Variants in CCAR2 observed in about 807,000 individuals in gnomAD.
The protein encoded by CCAR2 is cell cycle and apoptosis regulator protein 2.
In CCAR2, 21 loss-of-function variants were observed where a neutral mutation model predicts 108.1. The ratio of observed to expected loss-of-function variants is 0.19; its 90% CI spans 0.14 to 0.28. The LOEUF (loss-of-function observed/expected upper bound fraction) is 0.28, where lower values mean the gene tolerates loss of function less well. Ranked by LOEUF, CCAR2 falls within the 10% of genes least tolerant of loss-of-function variation. The pLI, the probability that CCAR2 is intolerant of heterozygous loss-of-function variation, is 1.00. For missense variants in CCAR2, 1,126 were observed against 1,177.0 expected, an observed-to-expected ratio of 0.96 and a Z score of 0.63; for synonymous variants, 577 against 472.8, an observed-to-expected ratio of 1.22 and a Z score of -2.86.
chr8:22,606,399 C>T (rs2291231), intron 3 of CCAR2, among the ~76,000 whole-genome samples: 49,939 of 152,054 alleles, frequency 0.33, 8,493 homozygotes, highest in South Asian at 0.37. Flanking sequence ...CTGGAAATCC[C>T]AGAAGAAGCT....
At chr8:22,612,829 G>A (rs987277641) in intron 7 of CCAR2, 188 bp from the exon 8 acceptor site, 1 of 630,328 alleles carries the variant, frequency 1.6e-6, no homozygotes, top group African/African-American at 1.9e-5. Flanking sequence ...TAACAGGAAT[G>A]TTTATTAAAA....
intron 1 of CCAR2, 79 bp from the exon 2 acceptor site, chr8:22,605,657 A>T: frequency 1.2e-6 from 1 of 812,064 alleles, no homozygotes; most frequent in Admixed American, 2.1e-5. Flanking sequence ...AAATATCCTT[A>T]CTTAAGATTC....
intron 14 of CCAR2, among the ~76,000 whole-genome samples, chr8:22,617,115 GC>G (rs1801552868): frequency 6.6e-6 from 1 of 151,704 alleles, no homozygotes; most frequent in African/African-American, 2.4e-5. Flanking sequence ...CCTCAGGAGT[GC>G]TGGGATTACA....
Position 22,606,067 on chromosome 8 carries a change from G to C in CCAR2, c.59-18G>C, listed in dbSNP as rs758394879. ...GTGGTAGGGGCGGTTCCTGGAGATT[G>C]CTTCTCTTTCCCCATAGGCACAGCT... On this transcript the variant is annotated intron_variant, in intron 2 of 20. Coordinates refer to ENST00000308511, the MANE Select transcript of CCAR2 (RefSeq NM_001393997.1). 1 of 1,606,800 alleles carries C rather than the reference G, an allele frequency of 6.2e-7. No individual in the cohort carries two copies.
chr8:22,614,609 C>A, intron 10 of CCAR2, 106 bp downstream of exon 10: 1 of 1,112,920 alleles, frequency 9.0e-7, no homozygotes, highest in Non-Finnish European at 1.3e-6. Context: ...CGAGGCATCT[C>A]AGAGCCGAAC....
At chr8:22,604,902 CCGAGGGGCTG>C in intron 1 of CCAR2, 60 bp downstream of exon 1, 1 of 402,366 alleles carries the variant, frequency 2.5e-6, no homozygotes, top group South Asian at 1.7e-5. Context: ...CCTCCGCTGG[CCGAGGGGCTG>C]CGAGGGCCGG....
chr8:22,605,704 A>G, intron 1 of CCAR2, 32 bp from the exon 2 acceptor site: 2 of 1,325,290 alleles, frequency 1.5e-6, no homozygotes, highest in Admixed American at 1.8e-5. Flanking sequence ...TTTCCCTTAT[A>G]AGCTGTTAAT....
In CCAR2 at chr8:22,616,188, C is replaced by G. The variant is rs941340541; in HGVS notation, c.1785C>G (p.Val595=). ...KEEEAIKEEV[V]KEPKDEAQNE... Reference sequence around the variant, plus strand: ...AAGAAGCCATCAAAGAGGAGGTGGTCAAGGAGCCCAAGGATGAGGCACAGA... The same window carrying G: ...AAGAAGCCATCAAAGAGGAGGTGGTGAAGGAGCCCAAGGATGAGGCACAGA... Residue 595 remains valine, a synonymous_variant, in exon 14 of 21, where the codon GTC becomes GTG. Transcript: ENST00000308511. 1.2e-6 allele frequency: 2 copies of G among 1,613,690 alleles called. No individual in the cohort carries two copies. The highest frequency in any genetic ancestry group is 2.7e-5 in the African/African-American group (2 of 74,890).
chr8:22,613,014 T>C lies in CCAR2; in HGVS notation c.585-3T>C. On this transcript the variant is annotated splice_polypyrimidine_tract_variant and splice_region_variant and intron_variant, in intron 7 of 20. Transcript: ENST00000308511. ...TTACTGTTGGTGATGGGTCAACCTC[T>C]AGTGATGACTATGACTCCAAGAAAC... The C allele has an allele frequency of 6.2e-7, 1 of 1,612,490 alleles. No homozygotes were observed. Among genetic ancestry groups the C allele is most frequent in the African/African-American group, 1.3e-5 (1 of 74,986 alleles).
rs1801635629 is a variant in CCAR2 at position 22,618,926 on chromosome 8, A to G, written c.2432A>G (p.Asn811Ser). The G allele has an allele frequency of 6.2e-7, 1 of 1,613,672 alleles. No individual in the cohort carries two copies. Among genetic ancestry groups the G allele is most frequent in the Non-Finnish European group, 8.5e-7 (1 of 1,180,048 alleles). ...GTGTCCCACAATGGCAGCCTGATTA[A>G]CGTGGGGAGCCTGCTGCAGCGCGCG... is the stretch of plus-strand genomic sequence containing the variant. ...ALVSHNGSLINVGSLLQRAEQ... is the reference protein window; with the variant it reads ...ALVSHNGSLISVGSLLQRAEQ... The change falls in exon 19 of 21, where the codon AAC (asparagine) becomes AGC (serine). Residue 811 changes from asparagine to serine, a missense_variant. Physicochemically the swap from Asn to Ser is conservative, Grantham distance 46. This residue lies in a region of CCAR2 where 1,013 missense variants were observed against 993.9 expected (regional missense o/e 1.02). Coordinates refer to ENST00000308511, the MANE Select transcript of CCAR2 (RefSeq NM_001393997.1).
chr8:22,618,301 A>T, intron 16 of CCAR2, 48 bp from the exon 17 acceptor site: 2 of 1,612,952 alleles, frequency 1.2e-6, no homozygotes, highest in Non-Finnish European at 1.7e-6. Flanking sequence ...CGATAGAGCC[A>T]CTGAGGGAAC....
In CCAR2 at chr8:22,620,010, A is replaced by G. The variant is rs200808658; in HGVS notation, c.*328A>G. ...TTCTCCTGTCCTCTTCCAGTTTAGAATAAGACAGGGGAGAAAAAGGCTTTT... is the reference window on the plus strand; with the variant it reads ...TTCTCCTGTCCTCTTCCAGTTTAGAGTAAGACAGGGGAGAAAAAGGCTTTT... On this transcript the variant is annotated 3_prime_UTR_variant, in exon 21 of 21. Coordinates refer to ENST00000308511, the MANE Select transcript of CCAR2 (RefSeq NM_001393997.1). 3 of 360,482 alleles carry G rather than the reference A, an allele frequency of 8.3e-6. No homozygotes were observed. The highest frequency in any genetic ancestry group is 6.2e-5 in the African/African-American group (3 of 48,362). The allele number at this position is 360,482 out of a possible 1,614,324, so 22.3% of individuals were successfully genotyped here.
rs769931549 is a variant in CCAR2, at chr8:22,607,261, C to T, written c.423C>T (p.Ile141=). The T allele has an allele frequency of 5.0e-6, 8 of 1,613,932 alleles. No individual in the cohort carries two copies. The highest frequency in any genetic ancestry group is 6.8e-6 in the Non-Finnish European group (8 of 1,180,010). Reference sequence around the variant, plus strand: ...CAGCCCTGGGCCAGAAGCAAGGGATCCTGGGAGCTCAGCCTCAGTTGATCT... The same window carrying T: ...CAGCCCTGGGCCAGAAGCAAGGGATTCTGGGAGCTCAGCCTCAGTTGATCT... ...HVAALGQKQG[I]LGAQPQLIFQ... is the part of the protein sequence containing the mutation. Residue 141 remains isoleucine, a synonymous_variant, in exon 6 of 21, where the codon ATC becomes ATT. Transcript: ENST00000308511.
At position 22,615,718 on chromosome 8, in the gene CCAR2, G is replaced by C; in HGVS notation, c.1414G>C (p.Glu472Gln). ...EPTEQAPDAL[E>Q]QAADTSRRNA... Reference sequence around the variant, plus strand: ...TACTGAACAGGCACCTGATGCCTTGGAGCAAGCAGCAGACACTTCTAGACG... The same window carrying C: ...TACTGAACAGGCACCTGATGCCTTGCAGCAAGCAGCAGACACTTCTAGACG... The change falls in exon 13 of 21, where the codon GAG becomes CAG. Residue 472 changes from glutamate to glutamine, a missense_variant. Glu to Gln is a conservative substitution (Grantham distance 29). Transcript: ENST00000308511. 6.2e-7 allele frequency: 1 copy of C among 1,613,736 alleles called. No homozygotes were observed. Among genetic ancestry groups the C allele is most frequent in the Non-Finnish European group, 8.5e-7 (1 of 1,180,012 alleles).
chr8:22,617,449 C>G lies in CCAR2; in HGVS notation c.1875C>G (p.Leu625=), dbSNP rs752675379. 2 of 1,579,060 alleles carry G rather than the reference C, an allele frequency of 1.3e-6. No individual in the cohort carries two copies. Among genetic ancestry groups the G allele is most frequent in the East Asian group, 4.5e-5 (2 of 44,560 alleles). Residue 625 remains leucine, a synonymous_variant, in exon 15 of 21, where the codon CTC becomes CTG. Coordinates refer to ENST00000308511, the MANE Select transcript of CCAR2 (RefSeq NM_001393997.1). The part of the protein sequence containing the change: ...LKEDGLLPKP[L]SSGGEEEEKP... ...AGGATGGGCTTTTGCCCAAACCACT[C>G]TCTTCTGGGGGAGAGGAAGAAGAAA...
At position 22,615,468 on chromosome 8, in the gene CCAR2, C is replaced by T. The variant is rs1477093225; in HGVS notation, c.1249C>T (p.Arg417Trp). Residue 417 changes from arginine to tryptophan, a missense_variant, in exon 12 of 21, where the codon CGG (arginine) becomes TGG (tryptophan). Coordinates refer to ENST00000308511, the MANE Select transcript of CCAR2 (RefSeq NM_001393997.1). ...EFQYLQPGPPRRLQTVVVYLP... is the reference protein window; with the variant it reads ...EFQYLQPGPPWRLQTVVVYLP... ...TCAGTACCTGCAGCCGGGACCCCCCCGGCGGCTTCAGACAGTGGTGGTGTA... is the reference window on the plus strand; with the variant it reads ...TCAGTACCTGCAGCCGGGACCCCCCTGGCGGCTTCAGACAGTGGTGGTGTA... The T allele has an allele frequency of 8.7e-6, 14 of 1,613,924 alleles. No homozygotes were observed. The highest frequency in any genetic ancestry group is 1.2e-5 in the Non-Finnish European group (14 of 1,179,998).
In CCAR2 at chr8:22,614,241, C is replaced by G. The variant is rs1421144682; in HGVS notation, c.854C>G (p.Ser285Cys). The stretch of plus-strand genomic sequence containing the variant: ...CATCCAAGCCGGATCCAGGTCTCTT[C>G]TGAAAAGGAGGCAGCTCCAGACGCT... ...LHHPSRIQVSSEKEAAPDAGA... is the reference protein window; with the variant it reads ...LHHPSRIQVSCEKEAAPDAGA... Residue 285 changes from serine (S) to cysteine (C), a missense_variant, in exon 9 of 21, where the codon TCT (serine) becomes TGT (cysteine). Transcript: ENST00000308511. 6 of 1,614,116 alleles carry G rather than the reference C, an allele frequency of 3.7e-6. No homozygotes were observed. In the South Asian group the frequency reaches 6.6e-5, roughly 18 times the overall value.
intron 4 of CCAR2, 33 bp from the exon 5 acceptor site, chr8:22,606,877 T>C (rs2291234): frequency 0.32 from 517,588 of 1,607,644 alleles, 84,010 homozygotes; most frequent in South Asian, 0.36. Context: ...GGGTCCCTCT[T>C]CTGATGGGGC....
intron 6 of CCAR2, 139 bp downstream of exon 6, chr8:22,607,464 AG>A: frequency 1.6e-5 from 8 of 504,800 alleles, no homozygotes; most frequent in African/African-American, 2.4e-5. Context: ...ATAGGTGTTT[AG>A]GGTTTTTTTT....
Sources: gnomAD v4.1 joint callset for allele counts (sites outside exome capture counted in the v4.1 genomes callset) on GRCh38, gnomAD v4.1.1 for gene constraint, gnomAD v4.1.1 regional missense constraint, MANE v1.5 for transcripts, NCBI Gene and HGNC (gene_info 2026-07-23, HGNC 2026-07-21) for gene names.